MMD2: variants seen among roughly 807,000 people sequenced by gnomAD.
MMD2 encodes the protein monocyte to macrophage differentiation associated 2.
In MMD2, 30 loss-of-function variants were observed where a neutral mutation model predicts 33.5. The observed-to-expected ratio is 0.90, with a 90% CI of 0.67 to 1.22. The LOEUF (loss-of-function observed/expected upper bound fraction) is 1.22, where lower values mean the gene tolerates loss of function less well. Ranked by LOEUF, MMD2 falls within the 50% of genes most tolerant of loss-of-function variation. MMD2 has a pLI of 0.00. For missense variants in MMD2, 364 were observed against 325.4 expected (o/e 1.12, Z -0.91); for synonymous variants, 129 against 123.0 (o/e 1.05, Z -0.32).
At chr7:4,937,167 C>T (rs1378002490) in intron 1 of MMD2, among the ~76,000 whole-genome samples, 4 of 151,222 alleles carry the variant, frequency 2.6e-5, no homozygotes, top group East Asian at 2.0e-4. Flanking sequence ...GAGGCTGAGG[C>T]GGGTGGATCA....
Position 4,907,610 on chromosome 7 carries a change from G to A in MMD2, c.538-11C>T. On this transcript the variant is annotated splice_polypyrimidine_tract_variant and intron_variant, in intron 6 of 6. Transcript: ENST00000401401. ...GCCCTCGGTGTTGGGCTGTCGGCAAGGACAAGGGTGGGGCACAGGTCAGAG... is the reference window on the plus strand; with the variant it reads ...GCCCTCGGTGTTGGGCTGTCGGCAAAGACAAGGGTGGGGCACAGGTCAGAG... The A allele has an allele frequency of 3.7e-6, 6 of 1,611,900 alleles. No individual in the cohort carries two copies. The highest frequency in any genetic ancestry group is 5.1e-6 in the Non-Finnish European group (6 of 1,179,664).
Position 4,906,788 on chromosome 7 carries a change from G to C in MMD2, c.*608C>G, listed in dbSNP as rs376133791. 24 of 369,488 alleles carry C rather than the reference G, an allele frequency of 6.5e-5. No individual in the cohort carries two copies. The highest frequency in any genetic ancestry group is 3.9e-4 in the African/African-American group (19 of 48,252). The allele number at this position is 369,488 out of a possible 1,614,324, so 22.9% of individuals were successfully genotyped here. A position where few individuals can be genotyped will look rare whatever the true frequency, so the allele number is the denominator to read the frequency against. On this transcript the variant is annotated 3_prime_UTR_variant, in exon 7 of 7. Transcript: ENST00000401401. ...CATTTCAGAGCACACCAGACAGGAAGGGCAAAGAGGTCCCATCATGAGTGC... is the reference window on the plus strand; with the variant it reads ...CATTTCAGAGCACACCAGACAGGAACGGCAAAGAGGTCCCATCATGAGTGC...
intron 1 of MMD2, among the ~76,000 whole-genome samples, chr7:4,943,519 TC>T (rs1168739090): frequency 6.6e-6 from 1 of 152,010 alleles, no homozygotes; most frequent in African/African-American, 2.4e-5. Flanking sequence ...TACCCTGATG[TC>T]CCCTAGCAGT....
chr7:4,936,767 G>C (rs1323487714), intron 1 of MMD2, among the ~76,000 whole-genome samples: 1 of 151,894 alleles, frequency 6.6e-6, no homozygotes, highest in Non-Finnish European at 1.5e-5. Context: ...CAAAGTTTCA[G>C]TCTGTTACCC....
chr7:4,928,739 C>T (rs567163182), intron 1 of MMD2, among the ~76,000 whole-genome samples: 1 of 151,626 alleles, frequency 6.6e-6, no homozygotes, highest in Non-Finnish European at 1.5e-5. Flanking sequence ...TGTGCTGGCT[C>T]CCCTTCTGTA....
Position 4,920,229 on chromosome 7 carries a change from C to A in MMD2, c.232G>T (p.Gly78Cys). The A allele has an allele frequency of 6.3e-7, 1 of 1,587,268 alleles. No homozygotes were observed. Residue 78 changes from glycine (G) to cysteine (C), a missense_variant, in exon 3 of 7, where the codon GGC (glycine) becomes TGC (cysteine). Transcript: ENST00000401401. ...AACACAGTGGACACCACGAAGAGGC[C>A]GCAGAGGCCGAGGCCGTAGATCCAG... The part of the protein sequence containing the change: ...SAWIYGLGLC[G>C]LFVVSTVFHT...
At chr7:4,943,213 G>A (rs1181318575) in intron 1 of MMD2, among the ~76,000 whole-genome samples, 1 of 150,800 alleles carries the variant, frequency 6.6e-6, no homozygotes, top group Non-Finnish European at 1.5e-5. Context: ...GTTTCACCAT[G>A]TTGGCCAGGC....
rs764334142 is a variant in MMD2, at chr7:4,925,546, G to A, written c.48-14C>T. 1.9e-6 allele frequency: 3 copies of A among 1,554,578 alleles called. No individual in the cohort carries two copies. The highest frequency in any genetic ancestry group is 2.6e-6 in the Non-Finnish European group (3 of 1,148,386). On this transcript the variant is annotated splice_polypyrimidine_tract_variant and intron_variant, in intron 1 of 6. Coordinates refer to ENST00000401401, the MANE Select transcript of MMD2 (RefSeq NM_198403.4). ...TGGTTCATGAACCTGGAAGGAGAGG[G>A]AGAATTCCAGGAAGCTCCGCTGGGC...
chr7:4,906,762 C>G lies in MMD2; in HGVS notation c.*634G>C, dbSNP rs1784875673. The G allele has an allele frequency of 2.6e-6, 1 of 385,968 alleles. No individual in the cohort carries two copies. Among genetic ancestry groups the G allele is most frequent in the African/African-American group, 2.1e-5 (1 of 48,402 alleles). 23.9% of individuals were successfully genotyped at this position (385,968 alleles called of 1,614,324 possible). A position where few individuals can be genotyped will look rare whatever the true frequency, so the allele number is the denominator to read the frequency against. ...ATTTTCAGCTACTCTGGCCATTATC[C>G]CATTTCAGAGCACACCAGACAGGAA... is the stretch of plus-strand genomic sequence containing the variant. On this transcript the variant is annotated 3_prime_UTR_variant, in exon 7 of 7. Coordinates refer to ENST00000401401, the MANE Select transcript of MMD2 (RefSeq NM_198403.4).
Position 4,946,088 on chromosome 7 carries a change from C to T in MMD2, c.47+12883G>A, listed in dbSNP as rs1007909228. Among the ~76,000 whole-genome samples, 15 of 151,626 alleles carry T rather than the reference C, an allele frequency of 9.9e-5. No homozygotes were observed. Among genetic ancestry groups the T allele is most frequent in the Non-Finnish European group, 1.6e-4 (11 of 67,910 alleles). On this transcript the variant is annotated intron_variant, in intron 1 of 6. Coordinates refer to ENST00000401401, the MANE Select transcript of MMD2 (RefSeq NM_198403.4). This position sits in a 1 kb window ranked among gnomAD's most constrained non-coding sequence, Gnocchi z 5.0. ...ACACACTCACACGCACGCACACGCACGCACACACACGCATGCACACGCGCA... is the reference window on the plus strand; with the variant it reads ...ACACACTCACACGCACGCACACGCATGCACACACACGCATGCACACGCGCA...
the MMD2 span, among the ~76,000 whole-genome samples, chr7:4,894,479 C>T: frequency 7.9e-5 from 12 of 152,198 alleles, no homozygotes; most frequent in Non-Finnish European, 1.3e-4. This position sits in a 1 kb window ranked among gnomAD's most constrained non-coding sequence, Gnocchi z 4.3. Flanking sequence ...GCAAACCAAG[C>T]GATCACAGCT....
At chr7:4,952,157 T>C (rs1786262614) in intron 1 of MMD2, among the ~76,000 whole-genome samples, 1 of 152,170 alleles carries the variant, frequency 6.6e-6, no homozygotes, top group African/African-American at 2.4e-5. Context: ...AGGGTTTGAA[T>C]GGCCCCAGCC....
At chr7:4,909,758 G>C (rs944925367) in intron 6 of MMD2, 123 bp downstream of exon 6, 1 of 1,335,316 alleles carries the variant, frequency 7.5e-7, no homozygotes. Flanking sequence ...GACAAGTCAT[G>C]CCAGGCCTCA....
chr7:4,913,152 A>G (rs1050830751), intron 4 of MMD2, among the ~76,000 whole-genome samples: 1 of 152,226 alleles, frequency 6.6e-6, no homozygotes, highest in Non-Finnish European at 1.5e-5. Context: ...CAAAATAACC[A>G]TCAGTGAACA....
chr7:4,914,038 T>C (rs1583360404), intron 4 of MMD2, among the ~76,000 whole-genome samples: 1 of 152,270 alleles, frequency 6.6e-6, no homozygotes, highest in Middle Eastern at 3.4e-3. Flanking sequence ...CAGGCTGGAG[T>C]GCAGTGGCAC....
chr7:4,935,221 G>T (rs1487564768), intron 1 of MMD2, among the ~76,000 whole-genome samples: 31 of 151,854 alleles, frequency 2.0e-4, no homozygotes, highest in Non-Finnish European at 2.9e-5. Flanking sequence ...TACATGGTGG[G>T]GCACGACTGT....
chr7:4,948,673 G>A (rs1377959321), intron 1 of MMD2, among the ~76,000 whole-genome samples: 1 of 152,220 alleles, frequency 6.6e-6, no homozygotes, highest in Non-Finnish European at 1.5e-5. Flanking sequence ...AGGCCAGAGA[G>A]CTCTTACTGC....
chr7:4,928,625 C>T (rs888381771), intron 1 of MMD2, among the ~76,000 whole-genome samples: 4 of 151,954 alleles, frequency 2.6e-5, no homozygotes, highest in Non-Finnish European at 5.9e-5. Context: ...CTTCTGTGTG[C>T]TGGCTCCATG....
intron 4 of MMD2, among the ~76,000 whole-genome samples, chr7:4,915,611 G>A (rs1032646421): frequency 6.4e-4 from 97 of 151,830 alleles, no homozygotes; most frequent in Non-Finnish European, 9.9e-4. Flanking sequence ...GTGGTGGCGC[G>A]TGCCTGTAAT....
Sources: gnomAD v4.1 joint callset for allele counts (sites outside exome capture counted in the v4.1 genomes callset) on GRCh38, gnomAD v4.1.1 for gene constraint, Gnocchi (gnomAD v3.1) non-coding constraint, MANE v1.5 for transcripts, NCBI Gene and HGNC (gene_info 2026-07-23, HGNC 2026-07-21) for gene names.